GRM1: variants seen among roughly 807,000 people sequenced by gnomAD.
The protein encoded by GRM1 is metabotropic glutamate receptor 1.
In GRM1, 33 loss-of-function variants were observed where a neutral mutation model predicts 90.9. The ratio of observed to expected loss-of-function variants is 0.36; its 90% CI spans 0.28 to 0.49. The LOEUF (loss-of-function observed/expected upper bound fraction) is 0.49, where lower values mean the gene tolerates loss of function less well. GRM1 is among the 20% of genes least tolerant of loss of function. The pLI is 0.99. For synonymous variants in GRM1, 700 were observed against 613.2 expected, an observed-to-expected ratio of 1.14 and a Z score of -2.09; for missense variants, 1,190 against 1,534.3, an observed-to-expected ratio of 0.78 and a Z score of 3.75.
intron 2 of GRM1, among the ~76,000 whole-genome samples, chr6:146,259,404 G>A (rs2114786467): frequency 6.6e-6 from 1 of 152,268 alleles, no homozygotes; most frequent in South Asian, 2.1e-4. Context: ...TACATTGGAT[G>A]TTTAGAACTT....
At chr6:146,089,665 T>A (rs1776653588) in intron 1 of GRM1, among the ~76,000 whole-genome samples, 1 of 152,166 alleles carries the variant, frequency 6.6e-6, no homozygotes, top group Non-Finnish European at 1.5e-5. Context: ...GGTTACTGCA[T>A]GTTCTTTTAA....
chr6:146,107,227 C>T (rs1775339836), intron 1 of GRM1, among the ~76,000 whole-genome samples: 2 of 151,962 alleles, frequency 1.3e-5, no homozygotes, highest in Admixed American at 1.3e-4. Context: ...ATGTCAAATA[C>T]TACTATTATT....
At chr6:146,327,511 C>T (rs904040938) in intron 3 of GRM1, among the ~76,000 whole-genome samples, 1 of 152,130 alleles carries the variant, frequency 6.6e-6, no homozygotes, top group Non-Finnish European at 1.5e-5. Flanking sequence ...TTTGTAGTGT[C>T]CTAAGCATTT....
At chr6:146,095,368 T>G (rs959651055) in intron 1 of GRM1, among the ~76,000 whole-genome samples, 1 of 152,138 alleles carries the variant, frequency 6.6e-6, no homozygotes, top group Non-Finnish European at 1.5e-5. Flanking sequence ...CATGGCATTC[T>G]TAGCTATTTA....
chr6:146,154,659 T>C (rs978396743), intron 1 of GRM1, among the ~76,000 whole-genome samples: 6 of 152,248 alleles, frequency 3.9e-5, no homozygotes, highest in African/African-American at 4.8e-5. Context: ...ACAATGCTCA[T>C]GAAACTTTTA....
At chr6:146,067,597 A>G (rs562327962) in intron 1 of GRM1, among the ~76,000 whole-genome samples, 12 of 152,316 alleles carry the variant, frequency 7.9e-5, no homozygotes, top group African/African-American at 2.9e-4. Flanking sequence ...AGTAATTTAA[A>G]GTAATCTTAA....
At chr6:146,412,249 T>C (rs1777596700) in intron 7 of GRM1, among the ~76,000 whole-genome samples, 1 of 152,146 alleles carries the variant, frequency 6.6e-6, no homozygotes, top group Non-Finnish European at 1.5e-5. Context: ...ATAAGCCTTA[T>C]CCTAGCTGAC....
chr6:146,168,343 CATATG>C (rs1777984277), intron 2 of GRM1, among the ~76,000 whole-genome samples: 1 of 151,958 alleles, frequency 6.6e-6, no homozygotes, highest in African/African-American at 2.4e-5. Flanking sequence ...TACTGCATCA[CATATG>C]ATATAAGAAG....
At chr6:146,077,016 G>A (rs1776209219) in intron 1 of GRM1, among the ~76,000 whole-genome samples, 1 of 152,164 alleles carries the variant, frequency 6.6e-6, no homozygotes, top group African/African-American at 2.4e-5. Flanking sequence ...GGGTAGGTGT[G>A]TAAAGGCAGT....
At chr6:146,223,108 T>C (rs959399158) in intron 2 of GRM1, among the ~76,000 whole-genome samples, 4 of 152,012 alleles carry the variant, frequency 2.6e-5, no homozygotes, top group Admixed American at 1.3e-4. Context: ...GTAAGCAACT[T>C]ACAGCTGGCT....
At chr6:146,222,556 A>G (rs1780102291) in intron 2 of GRM1, among the ~76,000 whole-genome samples, 1 of 152,046 alleles carries the variant, frequency 6.6e-6, no homozygotes, top group Non-Finnish European at 1.5e-5. Flanking sequence ...GAGAGAGGAA[A>G]GGAGAGACAG....
chr6:146,380,595 A>G (rs1195644786), intron 5 of GRM1, among the ~76,000 whole-genome samples: 1 of 152,192 alleles, frequency 6.6e-6, no homozygotes. Context: ...GAGTCAAGCT[A>G]TGGAATCAAG....
At chr6:146,288,574 C>T (rs1222627771) in intron 2 of GRM1, among the ~76,000 whole-genome samples, 3 of 152,072 alleles carry the variant, frequency 2.0e-5, no homozygotes, top group Non-Finnish European at 2.9e-5. Context: ...GGTGCGATCT[C>T]GGCTCACTGC....
chr6:146,257,510 A>T (rs1052504959), intron 2 of GRM1, among the ~76,000 whole-genome samples: 2 of 141,940 alleles, frequency 1.4e-5, no homozygotes, highest in African/African-American at 6.1e-5. Flanking sequence ...TCTGTGTAAT[A>T]TGTGTGTATA....
chr6:146,159,612 CTCTCTCTCT>C lies in GRM1; in HGVS notation c.950+16_950+24del. On this transcript the variant is annotated intron_variant, in intron 2 of 7. Transcript: ENST00000282753. ...CTCATTGGAAGGTAAGTTTCTCTCT[CTCTCTCTCT>C]CTCTCTCTCTCTCTCTCTCTCACAC... The C allele has an allele frequency of 1.2e-6, 1 of 869,530 alleles. No homozygotes were observed. The allele number at this position is 869,530 out of a possible 1,614,324, so 53.9% of individuals were successfully genotyped here.
chr6:146,343,115 G>T (rs896363398), intron 3 of GRM1, among the ~76,000 whole-genome samples: 9 of 151,986 alleles, frequency 5.9e-5, no homozygotes, highest in African/African-American at 2.2e-4. Context: ...TAGAGGTACT[G>T]GTCAGGTATT....
At chr6:146,347,299 G>C (rs1785219931) in intron 3 of GRM1, among the ~76,000 whole-genome samples, 1 of 152,174 alleles carries the variant, frequency 6.6e-6, no homozygotes, top group Non-Finnish European at 1.5e-5. Context: ...GGGAGTGCCT[G>C]CATATGAATT....
At chr6:146,126,928 G>A (rs764936244) in intron 1 of GRM1, among the ~76,000 whole-genome samples, 92 of 152,172 alleles carry the variant, frequency 6.0e-4, no homozygotes, top group Non-Finnish European at 1.1e-3. Context: ...TGGATTCAAG[G>A]TTGTTAGGTA....
chr6:146,146,913 C>G (rs1777130885), intron 1 of GRM1, among the ~76,000 whole-genome samples: 1 of 152,186 alleles, frequency 6.6e-6, no homozygotes, highest in Non-Finnish European at 1.5e-5. Flanking sequence ...GTAATACAGT[C>G]TTCATATTTG....
Sources: gnomAD v4.1 joint callset for allele counts (sites outside exome capture counted in the v4.1 genomes callset) on GRCh38, gnomAD v4.1.1 for gene constraint, MANE v1.5 for transcripts, NCBI Gene and HGNC (gene_info 2026-07-23, HGNC 2026-07-21) for gene names.